The following MARCHF1 variants were observed in gnomAD, a reference collection of about 807,000 sequenced individuals.
MARCHF1 encodes membrane associated ring-CH-type finger 1.
In MARCHF1, 40 loss-of-function variants were observed where a neutral mutation model predicts 54.2. The observed-to-expected ratio is 0.74, with a 90% confidence interval of 0.57 to 0.96. The LOEUF is 0.96. MARCHF1 is among the 40% of genes least tolerant of loss of function. The pLI is 0.00. For synonymous variants in MARCHF1, 236 were observed against 236.3 expected (o/e 1.00, Z 0.01); for missense variants, 586 against 656.5 (o/e 0.89, Z 1.17).
chr4:164,031,054 C>T lies in MARCHF1; in HGVS notation c.-247-42345G>A, dbSNP rs552464836. Among the ~76,000 whole-genome samples the T allele has an allele frequency of 1.2e-4, 19 of 152,220 alleles. No homozygotes were observed. The East Asian group carries it at 2.1e-3, about 17-fold the overall frequency. On this transcript the variant is annotated intron_variant, in intron 2 of 9. Coordinates refer to ENST00000514618, the MANE Select transcript of MARCHF1 (RefSeq NM_001394959.1). ...GACTTCCTCTTTTCCTATCAGAATA[C>T]GCTTTATTTCATTCTCTTGCCTGAT... is the stretch of plus-strand genomic sequence containing the variant.
At chr4:164,062,190 A>T (rs142711260) in intron 2 of MARCHF1, among the ~76,000 whole-genome samples, 1 of 152,154 alleles carries the variant, frequency 6.6e-6, no homozygotes, top group African/African-American at 2.4e-5. Flanking sequence ...CTTCTCATTC[A>T]TTTAAATTTT....
At chr4:163,996,414 G>A (rs1038835828) in intron 2 of MARCHF1, among the ~76,000 whole-genome samples, 11 of 151,916 alleles carry the variant, frequency 7.2e-5, no homozygotes, top group African/African-American at 2.7e-4. Context: ...TATTCCTAAA[G>A]TTCCAAAACA....
intron 4 of MARCHF1, among the ~76,000 whole-genome samples, chr4:163,841,108 TG>T (rs1749325283): frequency 6.6e-6 from 1 of 152,062 alleles, no homozygotes; most frequent in South Asian, 2.1e-4. Flanking sequence ...AATTAATACA[TG>T]GGGACCAGGG....
At chr4:163,672,462 T>C (rs1016463017) in intron 5 of MARCHF1, among the ~76,000 whole-genome samples, 1 of 152,142 alleles carries the variant, frequency 6.6e-6, no homozygotes, top group Non-Finnish European at 1.5e-5. Flanking sequence ...ATTTCCTTGT[T>C]AAAAATAAGT....
intron 1 of MARCHF1, among the ~76,000 whole-genome samples, chr4:164,313,846 G>A (rs115041750): frequency 1.2e-3 from 185 of 152,166 alleles, no homozygotes; most frequent in African/African-American, 4.3e-3. Flanking sequence ...ACCAAGCCCT[G>A]ATGGGATTTT....
chr4:163,969,658 A>T (rs901792198), intron 3 of MARCHF1, among the ~76,000 whole-genome samples: 2 of 152,352 alleles, frequency 1.3e-5, no homozygotes, highest in African/African-American at 2.4e-5. Context: ...AAAATAAACG[A>T]CATGAAACAG....
intron 3 of MARCHF1, among the ~76,000 whole-genome samples, chr4:163,888,621 G>A (rs1750589960): frequency 6.6e-6 from 1 of 152,152 alleles, no homozygotes; most frequent in Admixed American, 6.5e-5. Flanking sequence ...ATAAATTGCA[G>A]TGAGGTTTCC....
chr4:163,750,843 T>C (rs927311079), intron 4 of MARCHF1, among the ~76,000 whole-genome samples: 1 of 152,188 alleles, frequency 6.6e-6, no homozygotes, highest in Admixed American at 6.5e-5. Context: ...CCATTCTGTA[T>C]TTCTCTCTGG....
At chr4:163,713,502 G>T (rs551299193) in intron 4 of MARCHF1, among the ~76,000 whole-genome samples, 1 of 152,150 alleles carries the variant, frequency 6.6e-6, no homozygotes, top group African/African-American at 2.4e-5. Context: ...TAAGTAAATG[G>T]GATTAAGTGT....
intron 5 of MARCHF1, among the ~76,000 whole-genome samples, chr4:163,687,694 T>A (rs1225024280): frequency 6.6e-6 from 1 of 152,188 alleles, no homozygotes. Context: ...ATAGAGTTCT[T>A]CTGGTTCACC....
chr4:164,148,347 C>G (rs1378943143), intron 1 of MARCHF1, among the ~76,000 whole-genome samples: 1 of 152,104 alleles, frequency 6.6e-6, no homozygotes, highest in Non-Finnish European at 1.5e-5. Context: ...AATTCAGACT[C>G]TTGAAGAAAA....
chr4:163,990,864 G>C (rs1269746590), intron 2 of MARCHF1, among the ~76,000 whole-genome samples: 1 of 152,130 alleles, frequency 6.6e-6, no homozygotes, highest in Non-Finnish European at 1.5e-5. Context: ...CCTCTGAAAA[G>C]CCAAGGCAGC....
At chr4:163,981,008 T>G (rs1439877292) in intron 3 of MARCHF1, among the ~76,000 whole-genome samples, 1 of 152,212 alleles carries the variant, frequency 6.6e-6, no homozygotes, top group Non-Finnish European at 1.5e-5. Flanking sequence ...CAGGTAAGGA[T>G]AATTACTATA....
At chr4:163,813,748 G>C (rs1748457473) in intron 4 of MARCHF1, among the ~76,000 whole-genome samples, 1 of 152,146 alleles carries the variant, frequency 6.6e-6, no homozygotes, top group Non-Finnish European at 1.5e-5. Flanking sequence ...AACATTTCTA[G>C]CATGACTCTA....
intron 1 of MARCHF1, among the ~76,000 whole-genome samples, chr4:164,176,966 CTCTCTCTCT>C (rs1301276261): frequency 6.4e-5 from 3 of 46,730 alleles, no homozygotes; most frequent in African/African-American, 1.1e-4. Flanking sequence ...CTCTCTCTCT[CTCTCTCTCT>C]CTCTCTATAT....
At chr4:163,865,530 GA>G (rs1750029090) in intron 3 of MARCHF1, among the ~76,000 whole-genome samples, 1 of 151,538 alleles carries the variant, frequency 6.6e-6, no homozygotes, top group South Asian at 2.1e-4. Context: ...CATGCAGCCT[GA>G]AAAAAATGGC....
intron 1 of MARCHF1, among the ~76,000 whole-genome samples, chr4:164,241,597 C>A (rs2111210334): frequency 6.6e-6 from 1 of 152,132 alleles, no homozygotes; most frequent in South Asian, 2.1e-4. Flanking sequence ...GAGACATATA[C>A]TATTATATAA....
intron 3 of MARCHF1, among the ~76,000 whole-genome samples, chr4:163,972,996 T>C (rs1752580091): frequency 6.6e-6 from 1 of 152,218 alleles, no homozygotes; most frequent in Non-Finnish European, 1.5e-5. Flanking sequence ...TCTAGCAATG[T>C]CAAAGATGAT....
intron 7 of MARCHF1, among the ~76,000 whole-genome samples, chr4:163,595,321 T>A (rs1429073676): frequency 2.0e-5 from 3 of 150,824 alleles, no homozygotes; most frequent in Non-Finnish European, 3.0e-5. Context: ...CCCGCCTGGG[T>A]AACACAGTGA....
Sources: allele counts gnomAD v4.1 joint callset (sites outside exome capture counted in the v4.1 genomes callset), GRCh38; gene constraint gnomAD v4.1.1; transcripts MANE v1.5; gene names NCBI Gene and HGNC (gene_info 2026-07-23, HGNC 2026-07-21).